IL1RAPL1: variants seen among roughly 807,000 people sequenced by gnomAD.
IL1RAPL1 encodes interleukin-1 receptor accessory protein-like 1.
Under a neutral mutation model 48.4 loss-of-function variants are expected in IL1RAPL1, and 3 were observed. The observed-to-expected ratio is 0.06, with a 90% CI of 0.03 to 0.16. The LOEUF is 0.16. IL1RAPL1 is among the 10% of genes least tolerant of loss of function. The pLI, the probability that IL1RAPL1 is intolerant of heterozygous loss-of-function variation, is 1.00. For missense variants in IL1RAPL1, 349 were observed against 530.6 expected, an observed-to-expected ratio of 0.66 and a Z score of 3.36; for synonymous variants, 185 against 187.7, an observed-to-expected ratio of 0.99 and a Z score of 0.12.
At chrX:29,557,449 TG>T (rs1438177866) in intron 5 of IL1RAPL1, among the ~76,000 whole-genome samples, 2 of 112,118 alleles carry the variant, frequency 1.8e-5, no homozygotes, top group African/African-American at 6.5e-5. Flanking sequence ...AAGCATACAT[TG>T]TGAAGTGATT....
At chrX:29,657,856 T>C (rs1925731766) in intron 5 of IL1RAPL1, among the ~76,000 whole-genome samples, 1 of 105,674 alleles carries the variant, frequency 9.5e-6, no homozygotes, top group African/African-American at 3.4e-5. Flanking sequence ...TTTTTGCCTG[T>C]CAATAGAAGT....
At chrX:29,195,557 CT>C (rs756993767) in intron 2 of IL1RAPL1, among the ~76,000 whole-genome samples, 703 of 79,886 alleles carry the variant, frequency 8.8e-3, no homozygotes, top group African/African-American at 0.02. Flanking sequence ...TAACTAATTA[CT>C]TTTTTTTTTT....
At chrX:29,902,361 G>A (rs964867616) in intron 6 of IL1RAPL1, among the ~76,000 whole-genome samples, 4 of 110,779 alleles carry the variant, frequency 3.6e-5, no homozygotes, top group African/African-American at 1.3e-4. Flanking sequence ...CAGCCATCAA[G>A]AGCTAAAATT....
chrX:29,532,188 G>A (rs1009741708), intron 5 of IL1RAPL1, among the ~76,000 whole-genome samples: 3 of 111,709 alleles, frequency 2.7e-5, no homozygotes, highest in South Asian at 3.7e-4. Flanking sequence ...AGAGTGACCC[G>A]AGTGTTTATT....
intron 2 of IL1RAPL1, among the ~76,000 whole-genome samples, chrX:28,893,917 G>C (rs1922838515): frequency 9.0e-6 from 1 of 111,162 alleles, no homozygotes; most frequent in Non-Finnish European, 1.9e-5. Flanking sequence ...GGGAGTGACC[G>C]ATGTGAAGGA....
At chrX:28,707,252 T>C (rs73531787) in intron 1 of IL1RAPL1, among the ~76,000 whole-genome samples, 1,205 of 112,299 alleles carry the variant, frequency 0.011, 12 homozygotes, top group African/African-American at 0.037. Context: ...CTGAGGCATT[T>C]ATATTCCTGG....
intron 5 of IL1RAPL1, among the ~76,000 whole-genome samples, chrX:29,520,650 C>T (rs1416315395): frequency 1.8e-5 from 2 of 111,593 alleles, no homozygotes; most frequent in Non-Finnish European, 3.8e-5. Context: ...CTAGCTATCC[C>T]TGTTTACTTC....
At chrX:28,725,571 TTCACCAA>T (rs1021445932) in intron 1 of IL1RAPL1, among the ~76,000 whole-genome samples, 1 of 112,016 alleles carries the variant, frequency 8.9e-6, no homozygotes, top group African/African-American at 3.2e-5. Flanking sequence ...CATCTGTGTT[TTCACCAA>T]CCCAGAAGTT....
intron 5 of IL1RAPL1, among the ~76,000 whole-genome samples, chrX:29,431,133 A>C (rs1162074671): frequency 9.0e-6 from 1 of 111,707 alleles, no homozygotes; most frequent in African/African-American, 3.3e-5. Context: ...CATAGGCAGC[A>C]GAGCCTACCA....
intron 9 of IL1RAPL1, among the ~76,000 whole-genome samples, chrX:29,945,254 A>G (rs1309761445): frequency 8.9e-6 from 1 of 112,025 alleles, no homozygotes; most frequent in African/African-American, 3.2e-5. Context: ...TACTCTTCCA[A>G]TAGTGAAAAA....
At chrX:28,628,855 A>G (rs1170759565) in intron 1 of IL1RAPL1, among the ~76,000 whole-genome samples, 1 of 112,013 alleles carries the variant, frequency 8.9e-6, no homozygotes, top group African/African-American at 3.2e-5. Context: ...TTTATTTTTT[A>G]TCTACTGTGA....
At chrX:29,784,649 G>T (rs1929450213) in intron 6 of IL1RAPL1, among the ~76,000 whole-genome samples, 1 of 101,969 alleles carries the variant, frequency 9.8e-6, no homozygotes, top group Non-Finnish European at 2.0e-5. Context: ...TAAAAATAGA[G>T]GCCTTTTCAG....
chrX:29,576,049 A>G (rs1348842638), intron 5 of IL1RAPL1, among the ~76,000 whole-genome samples: 2 of 111,587 alleles, frequency 1.8e-5, no homozygotes, highest in Non-Finnish European at 1.9e-5. Context: ...ATATTTCTCT[A>G]CTCTCCAAAT....
chrX:29,678,515 T>C (rs763715235), intron 6 of IL1RAPL1, among the ~76,000 whole-genome samples: 32 of 94,606 alleles, frequency 3.4e-4, no homozygotes, highest in African/African-American at 1.4e-3. Flanking sequence ...CCACCACGCC[T>C]GGCTAATTTT....
At chrX:29,228,032 A>G (rs762023995) in intron 2 of IL1RAPL1, among the ~76,000 whole-genome samples, 49 of 109,867 alleles carry the variant, frequency 4.5e-4, no homozygotes, top group Admixed American at 8.8e-4. Flanking sequence ...AATATTTACA[A>G]AACAAATTTA....
chrX:29,301,505 G>A (rs1932533930), intron 3 of IL1RAPL1, among the ~76,000 whole-genome samples: 1 of 111,914 alleles, frequency 8.9e-6, no homozygotes, highest in African/African-American at 3.2e-5. Flanking sequence ...TATTCACATT[G>A]TGTATAAGTA....
At chrX:29,689,674 G>C (rs1048667316) in intron 6 of IL1RAPL1, among the ~76,000 whole-genome samples, 1 of 112,196 alleles carries the variant, frequency 8.9e-6, no homozygotes, top group African/African-American at 3.2e-5. Flanking sequence ...AGCATTAGGA[G>C]AGGCAGAGAT....
At chrX:29,616,182 G>A (rs1015285631) in intron 5 of IL1RAPL1, among the ~76,000 whole-genome samples, 5 of 111,506 alleles carry the variant, frequency 4.5e-5, no homozygotes, top group African/African-American at 1.6e-4. Flanking sequence ...ATTCTTTCTG[G>A]TTTATTTCTA....
rs1311944912 is a variant in IL1RAPL1 at position 29,325,103 on chromosome X, A to T, written c.362+41886A>T. Among the ~76,000 whole-genome samples the T allele has an allele frequency of 5.4e-5, 6 of 111,954 alleles. No homozygotes were observed. In the Admixed American group the frequency reaches 5.7e-4, roughly 11 times the overall value. ...GAACAGATTTTAGATTAATTTATTG[A>T]TATTATGATTACCATGCATATCCAT... On this transcript the variant is annotated intron_variant, in intron 3 of 10. Transcript: ENST00000378993.
Sources: gnomAD v4.1 joint callset for allele counts (sites outside exome capture counted in the v4.1 genomes callset) on GRCh38, gnomAD v4.1.1 for gene constraint, MANE v1.5 for transcripts, NCBI Gene and HGNC (gene_info 2026-07-23, HGNC 2026-07-21) for gene names.